Variants in TAS1R1 observed in about 807,000 individuals in gnomAD.
TAS1R1 encodes taste receptor type 1 member 1.
In TAS1R1, 31 loss-of-function variants were observed where a neutral mutation model predicts 45.8. The observed-to-expected ratio is 0.68, with a 90% CI of 0.51 to 0.91. TAS1R1 has a LOEUF of 0.91. TAS1R1 is among the 40% of genes least tolerant of loss of function. The probability of loss-of-function intolerance (pLI) is 0.00; values close to 1 mark genes in which losing one functional copy is unlikely to be tolerated. For synonymous variants in TAS1R1, 437 were observed against 448.4 expected, an observed-to-expected ratio of 0.97 and a Z score of 0.32; for missense variants, 1,051 against 1,063.9, an observed-to-expected ratio of 0.99 and a Z score of 0.17.
At chr1:6,576,817 A>G in intron 4 of TAS1R1, 133 bp from the exon 5 acceptor site, 1 of 1,477,578 alleles carries the variant, frequency 6.8e-7, no homozygotes, top group Non-Finnish European at 9.3e-7. Context: ...CTGGGGCGGA[A>G]GTTCACACGA....
chr1:6,569,935 G>A (rs913681010), intron 1 of TAS1R1, among the ~76,000 whole-genome samples: 13 of 151,086 alleles, frequency 8.6e-5, no homozygotes, highest in Admixed American at 7.9e-4. Flanking sequence ...GGCAGGTTCT[G>A]GAAGGGGAGG....
chr1:6,556,748 CGCCT>C (rs1639692357), intron 1 of TAS1R1, among the ~76,000 whole-genome samples: 1 of 151,796 alleles, frequency 6.6e-6, no homozygotes, highest in Admixed American at 6.6e-5. Flanking sequence ...CAGTGGCTCA[CGCCT>C]GTAATCCCAG....
Position 6,574,397 on chromosome 1 carries a change from G to A in TAS1R1, c.499-234G>A, listed in dbSNP as rs1447889472. Among the ~76,000 whole-genome samples the A allele has an allele frequency of 6.6e-6, 1 of 152,218 alleles. No individual in the cohort carries two copies. Among genetic ancestry groups the A allele is most frequent in the African/African-American group, 2.4e-5 (1 of 41,446 alleles). Reference sequence around the variant, plus strand: ...CACGGGACTATTTCACTCCTATGCAGGTTTTGTCTCCTTTGCTTGGAATGC... The same window carrying A: ...CACGGGACTATTTCACTCCTATGCAAGTTTTGTCTCCTTTGCTTGGAATGC... On this transcript the variant is annotated intron_variant, in intron 2 of 5. Transcript: ENST00000333172. The surrounding 1 kb of genome is among the most constrained non-coding windows in gnomAD (Gnocchi z 4.3).
rs1255835033 is a variant in TAS1R1 at position 6,576,955 on chromosome 1, T to C, written c.1479T>C (p.Pro493=). ...IQWHGKDNQV[P]KSVCSSDCLE... ...GCCCCTCTGGCTTCTTACAGGTGCC[T>C]AAGTCTGTGTGTTCCAGCGACTGTC... Residue 493 remains proline, a synonymous_variant, in exon 5 of 6, where the codon CCT becomes CCC. Coordinates refer to ENST00000333172, the MANE Select transcript of TAS1R1 (RefSeq NM_138697.4). 6.2e-7 allele frequency: 1 copy of C among 1,614,262 alleles called. No individual in the cohort carries two copies. Among genetic ancestry groups the C allele is most frequent in the Non-Finnish European group, 8.5e-7 (1 of 1,180,046 alleles).
chr1:6,561,061 A>G (rs550080845), intron 1 of TAS1R1, among the ~76,000 whole-genome samples: 5 of 151,282 alleles, frequency 3.3e-5, no homozygotes, highest in Non-Finnish European at 7.4e-5. Flanking sequence ...TTCTTGAAGT[A>G]GCATCATGTC....
rs1640093586 is a variant in TAS1R1 at position 6,574,113 on chromosome 1, G to C, written c.499-518G>C. Among the ~76,000 whole-genome samples, 2 of 152,166 alleles carry C rather than the reference G, an allele frequency of 1.3e-5. No individual in the cohort carries two copies. Among genetic ancestry groups the C allele is most frequent in the African/African-American group, 4.8e-5 (2 of 41,420 alleles). On this transcript the variant is annotated intron_variant, in intron 2 of 5. Coordinates refer to ENST00000333172, the MANE Select transcript of TAS1R1 (RefSeq NM_138697.4). The surrounding 1 kb of genome is among the most constrained non-coding windows in gnomAD (Gnocchi z 4.3). ...ATCAGACATTAGATTCTCATAAGTA[G>C]CGTGCAACCCAGATCCCTCGCATGT...
At chr1:6,558,708 G>A (rs935137869) in intron 1 of TAS1R1, among the ~76,000 whole-genome samples, 1 of 151,040 alleles carries the variant, frequency 6.6e-6, no homozygotes, top group Non-Finnish European at 1.5e-5. Context: ...TCTCCAGCGA[G>A]ACTCAGTCTA....
chr1:6,558,210 A>G (rs1011984315), intron 1 of TAS1R1, among the ~76,000 whole-genome samples: 1 of 151,728 alleles, frequency 6.6e-6, no homozygotes, highest in East Asian at 1.9e-4. Context: ...CTAATTTTTT[A>G]AATTTTTTAT....
chr1:6,566,753 G>A (rs1186589975), intron 1 of TAS1R1, among the ~76,000 whole-genome samples: 6 of 152,182 alleles, frequency 3.9e-5, no homozygotes, highest in South Asian at 2.1e-4. Context: ...CCGCCACTGC[G>A]CCTGGCTAAT....
chr1:6,557,976 A>G (rs768918131), intron 1 of TAS1R1, among the ~76,000 whole-genome samples: 44 of 151,902 alleles, frequency 2.9e-4, no homozygotes, highest in Non-Finnish European at 4.7e-4. Context: ...CCCTCAACAC[A>G]TTCATAAGTG....
intron 1 of TAS1R1, among the ~76,000 whole-genome samples, chr1:6,569,208 T>C (rs1051144392): frequency 1.3e-5 from 2 of 151,350 alleles, no homozygotes; most frequent in Non-Finnish European, 2.9e-5. Context: ...ATGGGGAAAA[T>C]TGGCGAGGTT....
rs767869402 is a variant in TAS1R1 at position 6,574,791 on chromosome 1, A to C, written c.659A>C (p.Tyr220Ser). The change falls in exon 3 of 6, where the codon TAT becomes TCT. Residue 220 changes from tyrosine to serine, a missense_variant. Coordinates refer to ENST00000333172, the MANE Select transcript of TAS1R1 (RefSeq NM_138697.4). The surrounding 1 kb of genome is among the most constrained non-coding windows in gnomAD (Gnocchi z 4.3). ...WISLVGSSDDYGQLGVQALEN... is the reference protein window; with the variant it reads ...WISLVGSSDDSGQLGVQALEN... ...TCTCTGGTTGGCAGCAGTGACGACTATGGGCAGCTAGGGGTGCAGGCACTG... is the reference window on the plus strand; with the variant it reads ...TCTCTGGTTGGCAGCAGTGACGACTCTGGGCAGCTAGGGGTGCAGGCACTG... 1.2e-6 allele frequency: 2 copies of C among 1,614,244 alleles called. No homozygotes were observed. Among genetic ancestry groups the C allele is most frequent in the Middle Eastern group, 1.6e-4 (1 of 6,062 alleles).
intron 1 of TAS1R1, among the ~76,000 whole-genome samples, chr1:6,567,924 G>A (rs1361634613): frequency 6.6e-6 from 1 of 152,086 alleles, no homozygotes; most frequent in Admixed American, 6.6e-5. Context: ...CTGCTATCGG[G>A]TCTTTTGTGC....
chr1:6,567,689 G>C (rs1639900416), intron 1 of TAS1R1, among the ~76,000 whole-genome samples: 2 of 152,198 alleles, frequency 1.3e-5, no homozygotes, highest in African/African-American at 4.8e-5. Flanking sequence ...TCAGCGGCTA[G>C]GTCAAGGAGC....
rs558900086 is a variant in TAS1R1 at position 6,574,338 on chromosome 1, G to T, written c.499-293G>T. On this transcript the variant is annotated intron_variant, in intron 2 of 5. Coordinates refer to ENST00000333172, the MANE Select transcript of TAS1R1 (RefSeq NM_138697.4). This position sits in a 1 kb window ranked among gnomAD's most constrained non-coding sequence, Gnocchi z 4.3. ...ATGCTTCTCTTCTTCCTTGCAAACT[G>T]CCTCCAGTGGAAGTCCCTGAAGGTC... Among the ~76,000 whole-genome samples, 6 of 152,260 alleles carry T rather than the reference G, an allele frequency of 3.9e-5. No individual in the cohort carries two copies. The highest frequency in any genetic ancestry group is 3.3e-4 in the Admixed American group (5 of 15,304).
At chr1:6,557,791 C>T (rs1639711463) in intron 1 of TAS1R1, among the ~76,000 whole-genome samples, 1 of 152,098 alleles carries the variant, frequency 6.6e-6, no homozygotes, top group Non-Finnish European at 1.5e-5. Context: ...CTAGTCTCCA[C>T]CTCCTGGGAT....
rs540949734 is a variant in TAS1R1 at position 6,574,914 on chromosome 1, G to A, written c.782G>A (p.Arg261His). The A allele has an allele frequency of 8.7e-6, 14 of 1,613,864 alleles. No individual in the cohort carries two copies. Among genetic ancestry groups the A allele is most frequent in the East Asian group, 2.2e-5 (1 of 44,888 alleles). ...GATGAGAGGATGCAGTGCCTCATGCGCCACCTGGCCCAGGCCGGGGCCACC... is the reference window on the plus strand; with the variant it reads ...GATGAGAGGATGCAGTGCCTCATGCACCACCTGGCCCAGGCCGGGGCCACC... ...VGDERMQCLM[R>H]HLAQAGATVV... The change falls in exon 3 of 6, where the codon CGC becomes CAC. Residue 261 changes from arginine to histidine, a missense_variant. By Grantham distance (29) the Arg-to-His change is conservative. Transcript: ENST00000333172. This position sits in a 1 kb window ranked among gnomAD's most constrained non-coding sequence, Gnocchi z 4.3.
intron 1 of TAS1R1, among the ~76,000 whole-genome samples, chr1:6,566,715 C>T (rs2148669798): frequency 6.6e-6 from 1 of 152,334 alleles, no homozygotes; most frequent in Non-Finnish European, 1.5e-5. Flanking sequence ...CCTGCCTCAG[C>T]TTCCCAAGTA....
At position 6,575,386 on chromosome 1, in the gene TAS1R1, C is replaced by T; in HGVS notation, c.1254C>T (p.Pro418=). 6.4e-7 allele frequency: 1 copy of T among 1,561,764 alleles called. No homozygotes were observed. Among genetic ancestry groups the T allele is most frequent in the Non-Finnish European group, 8.6e-7 (1 of 1,156,148 alleles). The change falls in exon 3 of 6, where the codon CCC becomes CCT. Residue 418 remains proline (P), a synonymous_variant. Coordinates refer to ENST00000333172, the MANE Select transcript of TAS1R1 (RefSeq NM_138697.4). ...SGACSRGRVY[P]WQLLEQIHKV... ...CTTGTTCCAGGGGCCGAGTCTACCC[C>T]TGGCAGGTAAGAGAGCCCACCCCAG...
Sources: allele counts gnomAD v4.1 joint callset (sites outside exome capture counted in the v4.1 genomes callset), GRCh38; gene constraint gnomAD v4.1.1; non-coding constraint Gnocchi (gnomAD v3.1); transcripts MANE v1.5; gene names NCBI Gene and HGNC (gene_info 2026-07-23, HGNC 2026-07-21).